Variants in TAFA1 observed in about 807,000 individuals in gnomAD.
TAFA1 encodes the protein TAFA chemokine like family member 1, also known as chemokine-like protein TAFA-1.
A neutral mutation model predicts 18.5 loss-of-function variants in TAFA1; 4 were observed. The ratio of observed to expected loss-of-function variants is 0.22; its 90% CI spans 0.11 to 0.49. The LOEUF (loss-of-function observed/expected upper bound fraction) is 0.49, where lower values mean the gene tolerates loss of function less well. Ranked by LOEUF, TAFA1 falls within the 20% of genes least tolerant of loss-of-function variation. The probability of loss-of-function intolerance (pLI) is 0.98; values close to 1 mark genes in which losing one functional copy is unlikely to be tolerated. For synonymous variants in TAFA1, 56 were observed against 55.2 expected, an observed-to-expected ratio of 1.01 and a Z score of -0.06; for missense variants, 147 against 169.0, an observed-to-expected ratio of 0.87 and a Z score of 0.72.
At chr3:68,175,862 G>A (rs563946483) in intron 2 of TAFA1, among the ~76,000 whole-genome samples, 2 of 152,218 alleles carry the variant, frequency 1.3e-5, no homozygotes, top group African/African-American at 4.8e-5. Flanking sequence ...GTCCCCACCC[G>A]AGTATCATCT....
chr3:68,186,568 G>A (rs1014147447), intron 2 of TAFA1, among the ~76,000 whole-genome samples: 14 of 151,912 alleles, frequency 9.2e-5, no homozygotes, highest in Admixed American at 2.0e-4. Flanking sequence ...GGACAGACAC[G>A]TTGTAGTTGT....
the TAFA1 span, among the ~76,000 whole-genome samples, chr3:67,992,759 C>G: frequency 1.6e-4 from 24 of 152,232 alleles, no homozygotes; most frequent in African/African-American, 5.3e-4. Flanking sequence ...CCTTCTCTCT[C>G]TCCATCTTCA....
intron 2 of TAFA1, among the ~76,000 whole-genome samples, chr3:68,259,056 C>T (rs539672884): frequency 6.6e-6 from 1 of 152,140 alleles, no homozygotes; most frequent in Non-Finnish European, 1.5e-5. Context: ...CTGGGGATGT[C>T]GATAAACCAC....
In TAFA1 at chr3:68,119,041, C is replaced by CT. The variant is rs936523077; in HGVS notation, c.118+112305dup. Among the ~76,000 whole-genome samples the CT allele has an allele frequency of 1.2e-3, 177 of 150,250 alleles. 1 individual carries two copies. Among genetic ancestry groups the CT allele is most frequent in the Admixed American group, 2.0e-3 (30 of 15,132 alleles). On this transcript the variant is annotated intron_variant, in intron 2 of 4. Transcript: ENST00000478136. ...CCACATCCTTGCCAAAACTTATTTT[C>CT]TTTTTTTTGGGTTTTTTTTTTGATA...
chr3:68,390,512 A>G (rs1464915471), intron 2 of TAFA1, among the ~76,000 whole-genome samples: 1 of 152,212 alleles, frequency 6.6e-6, no homozygotes, highest in Non-Finnish European at 1.5e-5. Context: ...CTGCTAAGGG[A>G]CAGACTGCCT....
chr3:68,401,362 C>T (rs1302713606), intron 2 of TAFA1, among the ~76,000 whole-genome samples: 2 of 152,176 alleles, frequency 1.3e-5, no homozygotes, highest in Non-Finnish European at 2.9e-5. Flanking sequence ...TTTGAATACA[C>T]TTGTACCTCA....
intron 2 of TAFA1, among the ~76,000 whole-genome samples, chr3:68,024,727 C>T (rs1374439508): frequency 1.3e-5 from 2 of 151,774 alleles, no homozygotes; most frequent in African/African-American, 4.8e-5. Flanking sequence ...TCTCACCTCC[C>T]ATCCCTTAGG....
intron 3 of TAFA1, among the ~76,000 whole-genome samples, chr3:68,488,973 C>T (rs2072401403): frequency 6.6e-6 from 1 of 152,180 alleles, no homozygotes; most frequent in Admixed American, 6.5e-5. Flanking sequence ...ATCTGACAGG[C>T]TCTGAGCTAA....
chr3:68,000,112 C>A (rs1704268833), upstream of TAFA1, among the ~76,000 whole-genome samples: 1 of 152,138 alleles, frequency 6.6e-6, no homozygotes, highest in African/African-American at 2.4e-5. Flanking sequence ...TCTGTAAAGG[C>A]AGCTCATTAT....
intron 2 of TAFA1, among the ~76,000 whole-genome samples, chr3:68,211,478 T>C (rs1050273399): frequency 2.0e-5 from 3 of 152,102 alleles, no homozygotes; most frequent in African/African-American, 7.2e-5. Flanking sequence ...CATCTGCTAG[T>C]CACCCTTCTG....
intron 2 of TAFA1, among the ~76,000 whole-genome samples, chr3:68,382,473 G>A (rs997526314): frequency 6.6e-6 from 1 of 151,940 alleles, no homozygotes; most frequent in South Asian, 2.1e-4. Flanking sequence ...TATTTAATAG[G>A]GAATCCTTTC....
chr3:68,478,152 C>A (rs2072140604), intron 3 of TAFA1, among the ~76,000 whole-genome samples: 1 of 152,206 alleles, frequency 6.6e-6, no homozygotes, highest in Non-Finnish European at 1.5e-5. Context: ...TAGGTAACAG[C>A]AGCAGCATTT....
At chr3:68,468,936 G>A (rs1364678004) in intron 3 of TAFA1, among the ~76,000 whole-genome samples, 2 of 152,070 alleles carry the variant, frequency 1.3e-5, no homozygotes, top group African/African-American at 4.8e-5. Context: ...TAAATTCCAC[G>A]AGGTGTCAAA....
chr3:68,331,821 G>GA (rs1559620757), intron 2 of TAFA1, among the ~76,000 whole-genome samples: 1 of 144,510 alleles, frequency 6.9e-6, no homozygotes, highest in South Asian at 2.3e-4. Flanking sequence ...AAGGCACCAA[G>GA]AATGAACAAT....
intron 2 of TAFA1, among the ~76,000 whole-genome samples, chr3:68,066,531 A>T (rs577234815): frequency 1.3e-5 from 2 of 152,354 alleles, no homozygotes; most frequent in African/African-American, 4.8e-5. Context: ...TATATATCTC[A>T]GACAGTTCTG....
At chr3:68,272,895 G>C (rs1311953585) in intron 2 of TAFA1, among the ~76,000 whole-genome samples, 2 of 152,120 alleles carry the variant, frequency 1.3e-5, no homozygotes, top group Admixed American at 1.3e-4. Flanking sequence ...GACAGTCAGA[G>C]CTTTGAATTC....
intron 2 of TAFA1, among the ~76,000 whole-genome samples, chr3:68,361,664 A>AC (rs2069471226): frequency 6.6e-6 from 1 of 151,798 alleles, no homozygotes. Context: ...GAAAAAAAAA[A>AC]CAAGATTAAA....
intron 2 of TAFA1, among the ~76,000 whole-genome samples, chr3:68,128,571 T>A (rs1172465030): frequency 6.6e-6 from 1 of 152,206 alleles, no homozygotes; most frequent in Non-Finnish European, 1.5e-5. Flanking sequence ...TAGAGCAGAC[T>A]TCCCCACCAA....
At chr3:68,064,971 C>T (rs192425893) in intron 2 of TAFA1, among the ~76,000 whole-genome samples, 39 of 152,058 alleles carry the variant, frequency 2.6e-4, no homozygotes, top group Admixed American at 2.0e-3. Context: ...TGGTTGGTTG[C>T]CTCCTAGAGC....
Sources: allele counts gnomAD v4.1 joint callset (sites outside exome capture counted in the v4.1 genomes callset), GRCh38; gene constraint gnomAD v4.1.1; transcripts MANE v1.5; gene names NCBI Gene and HGNC (gene_info 2026-07-23, HGNC 2026-07-21).